FBXW7: variants seen among roughly 807,000 people sequenced by gnomAD.
FBXW7 encodes the protein F-box and WD repeat domain containing 7, also known as F-box/WD repeat-containing protein 7.
A neutral mutation model predicts 86.3 loss-of-function variants in FBXW7; 11 were observed. That is an observed-to-expected ratio of 0.13 (90% CI 0.08 to 0.21). The LOEUF (loss-of-function observed/expected upper bound fraction) is 0.21, where lower values mean the gene tolerates loss of function less well. FBXW7 is among the 10% of genes least tolerant of loss of function. FBXW7 has a pLI of 1.00. For synonymous variants in FBXW7, 313 were observed against 297.9 expected (o/e 1.05, Z -0.52); for missense variants, 488 against 847.4 (o/e 0.58, Z 5.27).
At chr4:152,391,450 G>A (rs77034046) in intron 4 of FBXW7, among the ~76,000 whole-genome samples, 2,081 of 152,034 alleles carry the variant, frequency 0.014, 25 homozygotes, top group Middle Eastern at 0.037. Flanking sequence ...AGAAAAATTA[G>A]AAACAAAGAA....
intron 4 of FBXW7, among the ~76,000 whole-genome samples, chr4:152,369,374 G>A (rs769287776): frequency 3.3e-5 from 5 of 152,050 alleles, no homozygotes; most frequent in Non-Finnish European, 7.4e-5. Flanking sequence ...TAGGCACTCT[G>A]CTTTTCTGAT....
chr4:152,328,697 C>A (rs908343376), intron 10 of FBXW7: 1 of 180,854 alleles, frequency 5.5e-6, no homozygotes, highest in Non-Finnish European at 1.1e-5. Flanking sequence ...GGCCTGGCCT[C>A]TTTGATGAAA....
intron 2 of FBXW7, among the ~76,000 whole-genome samples, chr4:152,494,673 T>G (rs1044334303): frequency 3.3e-5 from 5 of 152,098 alleles, no homozygotes; most frequent in African/African-American, 1.2e-4. Flanking sequence ...TATGTAAGGA[T>G]GCTAAAATGT....
chr4:152,439,889 C>T (rs1740730372), intron 2 of FBXW7, among the ~76,000 whole-genome samples: 2 of 149,746 alleles, frequency 1.3e-5, no homozygotes, highest in Admixed American at 1.3e-4. Context: ...AAAAAAAAGT[C>T]CAATGTCACC....
At chr4:152,339,922 C>CAAA (rs1227838925) in intron 6 of FBXW7, among the ~76,000 whole-genome samples, 50 of 66,180 alleles carry the variant, frequency 7.6e-4, no homozygotes, top group East Asian at 4.2e-3. Flanking sequence ...GGCTTTGTCT[C>CAAA]AAAAAAAAAA....
At chr4:152,427,216 AT>A (rs1405230688) in intron 2 of FBXW7, among the ~76,000 whole-genome samples, 1 of 152,198 alleles carries the variant, frequency 6.6e-6, no homozygotes, top group African/African-American at 2.4e-5. Flanking sequence ...TAAAGGAAGA[AT>A]TCTGTAAAAA....
At chr4:152,398,258 A>G (rs1489140669) in intron 4 of FBXW7, among the ~76,000 whole-genome samples, 2 of 151,880 alleles carry the variant, frequency 1.3e-5, no homozygotes, top group African/African-American at 4.8e-5. Context: ...AAGGTGCTAT[A>G]TGGCCCTCTA....
chr4:152,341,517 T>A (rs945760107), intron 6 of FBXW7, among the ~76,000 whole-genome samples: 1 of 152,244 alleles, frequency 6.6e-6, no homozygotes, highest in African/African-American at 2.4e-5. Flanking sequence ...TTATTCACTA[T>A]TGCATACCAC....
intron 4 of FBXW7, among the ~76,000 whole-genome samples, chr4:152,383,324 G>A (rs1379453731): frequency 3.9e-5 from 6 of 152,068 alleles, no homozygotes; most frequent in African/African-American, 1.4e-4. Context: ...GCAGTGTGCC[G>A]TTTACTCCTC....
intron 4 of FBXW7, among the ~76,000 whole-genome samples, chr4:152,361,701 C>CA (rs1732958865): frequency 6.6e-6 from 1 of 152,104 alleles, no homozygotes; most frequent in South Asian, 2.1e-4. Context: ...TTTTGACAGG[C>CA]ATGGTGGCTC....
intron 4 of FBXW7, among the ~76,000 whole-genome samples, chr4:152,389,841 T>TTA (rs1479790686): frequency 6.6e-6 from 1 of 152,088 alleles, no homozygotes; most frequent in Non-Finnish European, 1.5e-5. Flanking sequence ...CTTTCCTTTA[T>TTA]TATAGTTTAG....
At chr4:152,465,676 T>C (rs1288204507) in intron 2 of FBXW7, among the ~76,000 whole-genome samples, 1 of 151,798 alleles carries the variant, frequency 6.6e-6, no homozygotes, top group Non-Finnish European at 1.5e-5. Context: ...AGACCCCATC[T>C]CTACTAAAAA....
At chr4:152,424,577 C>T (rs577759574) in intron 2 of FBXW7, among the ~76,000 whole-genome samples, 2 of 152,284 alleles carry the variant, frequency 1.3e-5, no homozygotes, top group Non-Finnish European at 2.9e-5. Flanking sequence ...TTGTTTTAAG[C>T]GCCTGGTGAG....
chr4:152,393,124 A>G (rs976035297), intron 4 of FBXW7, among the ~76,000 whole-genome samples: 1 of 152,174 alleles, frequency 6.6e-6, no homozygotes, highest in Non-Finnish European at 1.5e-5. Context: ...TTGCCATGTA[A>G]GTACATGTGC....
intron 2 of FBXW7, among the ~76,000 whole-genome samples, chr4:152,458,548 T>C (rs1742648984): frequency 6.6e-6 from 1 of 152,198 alleles, no homozygotes; most frequent in African/African-American, 2.4e-5. Flanking sequence ...AGGCTCTAGG[T>C]CAGACATGTC....
intron 2 of FBXW7, among the ~76,000 whole-genome samples, chr4:152,442,591 TAGCAGGCGATCGTTAAATG>T (rs1313328390): frequency 6.6e-6 from 1 of 152,216 alleles, no homozygotes; most frequent in Non-Finnish European, 1.5e-5. Context: ...GGTTAGCTAT[TAGCAGGCGATCGTTAAATG>T]CCAGTACACA....
At chr4:152,489,233 G>A (rs1745621007) in intron 2 of FBXW7, 1 of 154,280 alleles carries the variant, frequency 6.5e-6, no homozygotes, top group Non-Finnish European at 1.5e-5. Flanking sequence ...TGTTTGTGTT[G>A]CCCTCGAATT....
intron 2 of FBXW7, among the ~76,000 whole-genome samples, chr4:152,463,938 T>G (rs1743186001): frequency 6.6e-6 from 1 of 152,168 alleles, no homozygotes; most frequent in Admixed American, 6.5e-5. Flanking sequence ...TAAGGTTTAT[T>G]ACAGAAGACA....
At chr4:152,352,494 G>T (rs2126660916) in intron 4 of FBXW7, 2 of 1,613,858 alleles carry the variant, frequency 1.2e-6, no homozygotes, top group East Asian at 2.2e-5. Flanking sequence ...TTTTTAATGT[G>T]CCGTAGAAAC....
Sources: gnomAD v4.1 joint callset for allele counts (sites outside exome capture counted in the v4.1 genomes callset) on GRCh38, gnomAD v4.1.1 for gene constraint, MANE v1.5 for transcripts, NCBI Gene and HGNC (gene_info 2026-07-23, HGNC 2026-07-21) for gene names.